Variants in DLGAP4 observed in about 807,000 individuals in gnomAD.
DLGAP4 encodes disks large-associated protein 4.
Under a neutral mutation model 86.9 loss-of-function variants are expected in DLGAP4, and 18 were observed. The observed-to-expected ratio is 0.21, with a 90% CI of 0.14 to 0.31. DLGAP4 has a LOEUF of 0.31. DLGAP4 is among the 10% of genes least tolerant of loss of function. The pLI, the probability that DLGAP4 is intolerant of heterozygous loss-of-function variation, is 1.00. For synonymous variants in DLGAP4, 548 were observed against 574.3 expected (o/e 0.95, Z 0.65); for missense variants, 1,085 against 1,362.6 (o/e 0.80, Z 3.21).
rs941378131 is a variant in DLGAP4, at chr20:36,393,742, T to C, written c.-73+26467T>C. Among the ~76,000 whole-genome samples the C allele has an allele frequency of 3.3e-5, 5 of 152,194 alleles. No homozygotes were observed. Among genetic ancestry groups the C allele is most frequent in the African/African-American group, 4.8e-5 (2 of 41,440 alleles). On this transcript the variant is annotated intron_variant, in intron 2 of 12. Transcript: ENST00000339266. This position sits in a 1 kb window ranked among gnomAD's most constrained non-coding sequence, Gnocchi z 4.4. ...ACCCTTTGTGGCACTTTAGCCATAT[T>C]GTCTTGGAATTAGACATAGATTGGG...
chr20:36,507,716 A>T (rs966645558), intron 10 of DLGAP4: 1 of 152,242 alleles, frequency 6.6e-6, no homozygotes, highest in Admixed American at 6.5e-5. Context: ...GGCACAAAAC[A>T]ACCATTTTAT....
rs1361182116 is a variant in DLGAP4, at chr20:36,393,925, G to A, written c.-73+26650G>A. Among the ~76,000 whole-genome samples, 1 of 152,178 alleles carries A rather than the reference G, an allele frequency of 6.6e-6. No homozygotes were observed. The highest frequency in any genetic ancestry group is 1.5e-5 in the Non-Finnish European group (1 of 68,024). ...GGGACTCATCCCTCGCCTGCCCACAGAATGCGCCCCAGGCCCTGCTGTACA... is the reference window on the plus strand; with the variant it reads ...GGGACTCATCCCTCGCCTGCCCACAAAATGCGCCCCAGGCCCTGCTGTACA... On this transcript the variant is annotated intron_variant, in intron 2 of 12. Coordinates refer to ENST00000339266, the MANE Select transcript of DLGAP4 (RefSeq NM_001365621.2). The surrounding 1 kb of genome is among the most constrained non-coding windows in gnomAD (Gnocchi z 4.4).
Position 36,526,808 on chromosome 20 carries a change from TA to T in DLGAP4, c.2761-2del. 2 of 1,595,362 alleles carry T rather than the reference TA, an allele frequency of 1.3e-6. No individual in the cohort carries two copies. The highest frequency in any genetic ancestry group is 1.7e-6 in the Non-Finnish European group (2 of 1,173,132). ...TTTTGTTCTCTCCTCACTGTCTCAC[TA>T]AAGGAAGAGAAGAAACCACCCCCTC... is the stretch of plus-strand genomic sequence containing the variant. On this transcript the variant is annotated splice_region_variant and splice_polypyrimidine_tract_variant and intron_variant, in intron 12 of 12. Transcript: ENST00000339266.
intron 2 of DLGAP4, among the ~76,000 whole-genome samples, chr20:36,401,158 G>T (rs892330906): frequency 1.3e-5 from 2 of 151,746 alleles, no homozygotes; most frequent in Admixed American, 6.6e-5. Context: ...ATCCTGGGCG[G>T]CAGAGGCTGC....
rs970462264 is a variant in DLGAP4 at position 36,313,395 on chromosome 20, C to A, written c.-304+6883C>A. 3.9e-3 allele frequency among the ~76,000 whole-genome samples: 600 copies of A among 152,320 alleles called. 7 individuals carry two copies. Among genetic ancestry groups the A allele is most frequent in the African/African-American group, 0.014 (580 of 41,566 alleles). On this transcript the variant is annotated intron_variant, in intron 1 of 12. Transcript: ENST00000339266. ...GGGAGGCTCAGGACTGGAGGTTCAG[C>A]TGAACAGGGCCCAAGTTGGAGTCTC...
intron 1 of DLGAP4, among the ~76,000 whole-genome samples, chr20:36,333,600 G>T (rs2065292302): frequency 6.6e-6 from 1 of 152,176 alleles, no homozygotes; most frequent in African/African-American, 2.4e-5. Flanking sequence ...CTTGCCCAAG[G>T]CTGCATAGCA....
intron 1 of DLGAP4, among the ~76,000 whole-genome samples, chr20:36,342,154 AC>A (rs1473787855): frequency 1.3e-5 from 2 of 152,088 alleles, no homozygotes; most frequent in African/African-American, 4.8e-5. Context: ...AAAGGTCAGA[AC>A]TTTAGAGCCA....
intron 7 of DLGAP4, among the ~76,000 whole-genome samples, chr20:36,453,949 A>AG (rs1364309536): frequency 1.3e-5 from 2 of 149,186 alleles, no homozygotes; most frequent in Non-Finnish European, 3.0e-5. Flanking sequence ...AAAAAAAAAA[A>AG]AAAAAAAGAA....
At chr20:36,477,787 A>G (rs2035012421) in intron 7 of DLGAP4, among the ~76,000 whole-genome samples, 1 of 152,206 alleles carries the variant, frequency 6.6e-6, no homozygotes, top group Non-Finnish European at 1.5e-5. Flanking sequence ...CAGTGTTTGG[A>G]TGCAGTTAAA....
intron 7 of DLGAP4, among the ~76,000 whole-genome samples, chr20:36,467,471 TAAAC>T (rs2034469475): frequency 6.6e-6 from 1 of 152,112 alleles, no homozygotes; most frequent in East Asian, 1.9e-4. Context: ...TAGGCAGTGT[TAAAC>T]AGCTGAAAAG....
intron 1 of DLGAP4, among the ~76,000 whole-genome samples, chr20:36,323,136 C>A (rs1474530115): frequency 6.9e-6 from 1 of 144,714 alleles, no homozygotes; most frequent in African/African-American, 2.6e-5. Flanking sequence ...CATGTTCTCA[C>A]CACTGCACTC....
chr20:36,394,437 G>T (rs1240555314), intron 2 of DLGAP4, among the ~76,000 whole-genome samples: 1 of 152,134 alleles, frequency 6.6e-6, no homozygotes, highest in African/African-American at 2.4e-5. Flanking sequence ...ACTGGGTGCT[G>T]CCCCCTTCCT....
chr20:36,416,410 C>T (rs1016255340), intron 2 of DLGAP4, among the ~76,000 whole-genome samples: 1 of 152,250 alleles, frequency 6.6e-6, no homozygotes, highest in Non-Finnish European at 1.5e-5. Flanking sequence ...GCGTGAGCCA[C>T]GCACCCGGCC....
chr20:36,453,232 G>T (rs539614613), intron 7 of DLGAP4, among the ~76,000 whole-genome samples: 3 of 152,284 alleles, frequency 2.0e-5, no homozygotes, highest in Non-Finnish European at 2.9e-5. Context: ...CCGTAGGGAG[G>T]ATCTCTTGAG....
intron 2 of DLGAP4, among the ~76,000 whole-genome samples, chr20:36,396,348 CACACATA>C (rs2031956485): frequency 3.8e-4 from 1 of 2,634 alleles, no homozygotes; most frequent in South Asian, 0.013. Flanking sequence ...CACACACACA[CACACATA>C]CCACACGCAC....
chr20:36,526,592 G>A (rs780587209), intron 12 of DLGAP4, among the ~76,000 whole-genome samples: 4 of 152,134 alleles, frequency 2.6e-5, no homozygotes, highest in South Asian at 2.1e-4. Context: ...CTGCTCGAGC[G>A]CTCTCGGAGT....
At chr20:36,346,212 A>G (rs1432957164) in intron 1 of DLGAP4, among the ~76,000 whole-genome samples, 2 of 152,212 alleles carry the variant, frequency 1.3e-5, no homozygotes, top group African/African-American at 2.4e-5. Context: ...GGCAGAGTCC[A>G]AGGACTGACG....
intron 10 of DLGAP4, among the ~76,000 whole-genome samples, chr20:36,519,711 T>A (rs2037258483): frequency 6.6e-6 from 1 of 152,214 alleles, no homozygotes; most frequent in South Asian, 2.1e-4. Flanking sequence ...TTCCTACCAG[T>A]AATGCACAGG....
intron 7 of DLGAP4, chr20:36,461,527 G>C (rs1323140804): frequency 5.1e-6 from 5 of 982,432 alleles, no homozygotes; most frequent in Non-Finnish European, 6.0e-6. Context: ...GCCCGCCGCT[G>C]GCCGCCGCCG....
Sources: gnomAD v4.1 joint callset for allele counts (sites outside exome capture counted in the v4.1 genomes callset) on GRCh38, gnomAD v4.1.1 for gene constraint, Gnocchi (gnomAD v3.1) non-coding constraint, MANE v1.5 for transcripts, NCBI Gene and HGNC (gene_info 2026-07-23, HGNC 2026-07-21) for gene names.